The following SCLT1 variants were observed in gnomAD, a reference collection of about 807,000 sequenced individuals.
The protein encoded by SCLT1 is sodium channel and clathrin linker 1.
A neutral mutation model predicts 112.8 loss-of-function variants in SCLT1; 78 were observed. The ratio of observed to expected loss-of-function variants is 0.69; its 90% confidence interval spans 0.58 to 0.83. SCLT1 has a LOEUF of 0.83. SCLT1 is among the 40% of genes least tolerant of loss of function. The probability of loss-of-function intolerance (pLI) is 0.00; values close to 1 mark genes in which losing one functional copy is unlikely to be tolerated. For missense variants in SCLT1, 747 were observed against 770.4 expected (o/e 0.97, Z 0.36); for synonymous variants, 257 against 254.7 (o/e 1.01, Z -0.09).
chr4:129,036,557 T>TG (rs1383957329), intron 5 of SCLT1: 1 of 151,528 alleles, frequency 6.6e-6, no homozygotes, highest in Non-Finnish European at 1.5e-5. Flanking sequence ...AAATTTCCCA[T>TG]GGGAAAAAAA....
chr4:128,980,642 A>G (rs1741564922), intron 9 of SCLT1, among the ~76,000 whole-genome samples: 1 of 152,208 alleles, frequency 6.6e-6, no homozygotes, highest in African/African-American at 2.4e-5. Context: ...TTAAGGCTCT[A>G]GCACCCAGTC....
intron 18 of SCLT1, among the ~76,000 whole-genome samples, chr4:128,898,634 A>G (rs938841331): frequency 1.3e-5 from 2 of 152,236 alleles, no homozygotes; most frequent in African/African-American, 4.8e-5. Flanking sequence ...AAGAGCAAAC[A>G]CATTCAAAAG....
intron 4 of SCLT1, among the ~76,000 whole-genome samples, chr4:129,041,509 T>C (rs749779563): frequency 1.3e-5 from 2 of 152,208 alleles, no homozygotes; most frequent in African/African-American, 4.8e-5. Context: ...AATGCATTAA[T>C]TGATAAATAA....
chr4:128,963,374 A>G (rs1188901706), intron 11 of SCLT1, among the ~76,000 whole-genome samples: 1 of 152,124 alleles, frequency 6.6e-6, no homozygotes, highest in African/African-American at 2.4e-5. Flanking sequence ...ATCTACGGAG[A>G]TAATCAGATA....
Position 128,919,575 on chromosome 4 carries a change from A to C in SCLT1, c.1829+17080T>G, listed in dbSNP as rs193264687. 2.0e-3 allele frequency among the ~76,000 whole-genome samples: 298 copies of C among 152,244 alleles called. 1 individual carries two copies. The highest frequency in any genetic ancestry group is 6.9e-3 in the African/African-American group (286 of 41,548). On this transcript the variant is annotated intron_variant, in intron 18 of 20. Coordinates refer to ENST00000281142, the MANE Select transcript of SCLT1 (RefSeq NM_144643.4). ...ACAAAAATCAGAGTTGAACTGAAGG[A>C]AATAGAGATGCAAAAAACCATACTA...
At chr4:128,954,277 T>C (rs1464409316) in intron 13 of SCLT1, among the ~76,000 whole-genome samples, 1 of 152,088 alleles carries the variant, frequency 6.6e-6, no homozygotes, top group African/African-American at 2.4e-5. Context: ...TGTTATCTTT[T>C]TGAAGACCTG....
chr4:128,967,533 T>C (rs953780919), intron 10 of SCLT1, among the ~76,000 whole-genome samples: 2 of 152,232 alleles, frequency 1.3e-5, no homozygotes, highest in African/African-American at 2.4e-5. Context: ...TTTTTGACTT[T>C]GTAATGATAG....
intron 10 of SCLT1, among the ~76,000 whole-genome samples, chr4:128,968,959 A>C (rs964004578): frequency 3.1e-4 from 47 of 152,284 alleles, no homozygotes; most frequent in African/African-American, 1.1e-3. Flanking sequence ...CTGCCTTTCC[A>C]GCTTTGGGCT....
intron 18 of SCLT1, among the ~76,000 whole-genome samples, chr4:128,893,326 A>C (rs1035920693): frequency 5.9e-5 from 9 of 152,182 alleles, no homozygotes; most frequent in Non-Finnish European, 1.2e-4. Flanking sequence ...GTAAATATTT[A>C]TCTCTTTATA....
At chr4:128,929,585 A>T (rs1736591429) in intron 18 of SCLT1, among the ~76,000 whole-genome samples, 1 of 152,238 alleles carries the variant, frequency 6.6e-6, no homozygotes, top group African/African-American at 2.4e-5. Context: ...TAGTTGTTTC[A>T]AAAGTGTCTT....
At chr4:128,982,798 G>A (rs555068928) in intron 9 of SCLT1, among the ~76,000 whole-genome samples, 1 of 152,102 alleles carries the variant, frequency 6.6e-6, no homozygotes, top group Non-Finnish European at 1.5e-5. Flanking sequence ...TACCGCACCT[G>A]GCCAGCTAAA....
chr4:129,077,383 C>T lies in SCLT1; in HGVS notation c.102+4923G>A, dbSNP rs370227318. The stretch of plus-strand genomic sequence containing the variant: ...AATTTTATGGCACCCAATGTAAGGA[C>T]TTTAGGACTTTATCTTGAAAAATAA... On this transcript the variant is annotated intron_variant, in intron 2 of 20. Transcript: ENST00000281142. Among the ~76,000 whole-genome samples the T allele has an allele frequency of 1.3e-4, 20 of 152,270 alleles. 1 individual carries two copies. The highest frequency in any genetic ancestry group is 9.8e-4 in the Admixed American group (15 of 15,286).
intron 18 of SCLT1, among the ~76,000 whole-genome samples, chr4:128,907,206 C>T (rs982956304): frequency 2.6e-5 from 4 of 152,048 alleles, no homozygotes; most frequent in Admixed American, 6.6e-5. Flanking sequence ...CCTTATAAGT[C>T]GTAACAGGAA....
rs1457718532 is a variant in SCLT1 at position 129,054,290 on chromosome 4, T to C, written c.103-10239A>G. Among the ~76,000 whole-genome samples the C allele has an allele frequency of 2.0e-5, 3 of 152,194 alleles. No homozygotes were observed. In the East Asian group the frequency reaches 5.8e-4, roughly 29 times the overall value. ...CTCTGTATTTCCTGAATTTGAGTGTTGGCCTGCCTTGCTAGGTTGGAGAAG... is the reference window on the plus strand; with the variant it reads ...CTCTGTATTTCCTGAATTTGAGTGTCGGCCTGCCTTGCTAGGTTGGAGAAG... On this transcript the variant is annotated intron_variant, in intron 2 of 20. Transcript: ENST00000281142.
chr4:129,050,346 C>A (rs1396254273), intron 2 of SCLT1, among the ~76,000 whole-genome samples: 1 of 152,186 alleles, frequency 6.6e-6, no homozygotes, highest in Non-Finnish European at 1.5e-5. Flanking sequence ...AATTTACACT[C>A]CCACCAGCAG....
chr4:129,009,519 G>T (rs372849333), intron 5 of SCLT1, among the ~76,000 whole-genome samples: 30 of 92,970 alleles, frequency 3.2e-4, no homozygotes, highest in Admixed American at 1.6e-3. Flanking sequence ...GTCTCAAAAA[G>T]AAAAAAAAAA....
intron 9 of SCLT1, among the ~76,000 whole-genome samples, chr4:128,991,208 A>G (rs1196788584): frequency 6.6e-6 from 1 of 151,952 alleles, no homozygotes; most frequent in Non-Finnish European, 1.5e-5. Flanking sequence ...CCAAAACAGA[A>G]TGGTACTGGC....
At chr4:128,939,755 T>C (rs1362152968) in intron 17 of SCLT1, among the ~76,000 whole-genome samples, 1 of 152,206 alleles carries the variant, frequency 6.6e-6, no homozygotes, top group Non-Finnish European at 1.5e-5. Flanking sequence ...CTTCATATGA[T>C]AAATTGTTAA....
rs1458970141 is a variant in SCLT1 at position 128,891,241 on chromosome 4, T to C, written c.1830-104A>G. ...CATGATTTGAACAAAAATATCATCTTGAGGTGGAAAATAAAGTCACTTACT... is the reference window on the plus strand; with the variant it reads ...CATGATTTGAACAAAAATATCATCTCGAGGTGGAAAATAAAGTCACTTACT... On this transcript the variant is annotated intron_variant, in intron 18 of 20. Transcript: ENST00000281142. 3.6e-6 allele frequency: 3 copies of C among 841,694 alleles called. No individual in the cohort carries two copies. The Admixed American group carries it at 7.2e-5, about 20-fold the overall frequency. 52.1% of individuals were successfully genotyped at this position (841,694 alleles called of 1,614,324 possible).
Sources: gnomAD v4.1 joint callset for allele counts (sites outside exome capture counted in the v4.1 genomes callset) on GRCh38, gnomAD v4.1.1 for gene constraint, MANE v1.5 for transcripts, NCBI Gene and HGNC (gene_info 2026-07-23, HGNC 2026-07-21) for gene names.